The following CSMD1 variants were observed in gnomAD, a reference collection of about 807,000 sequenced individuals.
CSMD1 encodes CUB and sushi domain-containing protein 1.
Under a neutral mutation model 417.5 loss-of-function variants are expected in CSMD1, and 213 were observed. The ratio of observed to expected loss-of-function variants is 0.51; its 90% CI spans 0.46 to 0.57. The LOEUF is 0.57. CSMD1 is among the 20% of genes least tolerant of loss of function. The probability of loss-of-function intolerance (pLI) is 0.00; values close to 1 mark genes in which losing one functional copy is unlikely to be tolerated. For missense variants in CSMD1, 6,923 were observed against 4,529.7 expected (o/e 1.53, Z -15.17); for synonymous variants, 2,862 against 1,736.8 (o/e 1.65, Z -16.11).
chr8:3,283,819 T>C (rs1802927139), intron 26 of CSMD1, among the ~76,000 whole-genome samples: 1 of 152,248 alleles, frequency 6.6e-6, no homozygotes, highest in East Asian at 1.9e-4. Flanking sequence ...ATCATACTTC[T>C]GCACGACTAT....
At chr8:4,486,228 TAC>T (rs1465658249) in intron 2 of CSMD1, among the ~76,000 whole-genome samples, 201 of 10,966 alleles carry the variant, frequency 0.018, 6 homozygotes, top group Middle Eastern at 0.071. Context: ...TATATATACA[TAC>T]ATATATATAT....
At chr8:3,313,976 T>C (rs1024928072) in intron 23 of CSMD1, among the ~76,000 whole-genome samples, 33 of 152,132 alleles carry the variant, frequency 2.2e-4, no homozygotes, top group African/African-American at 5.8e-4. Flanking sequence ...TGTAGGGACA[T>C]GGATGAAGCT....
At chr8:3,954,774 G>A (rs763769275) in intron 5 of CSMD1, among the ~76,000 whole-genome samples, 1 of 151,634 alleles carries the variant, frequency 6.6e-6, no homozygotes, top group African/African-American at 2.4e-5. Context: ...GCGTAATGTG[G>A]CAGGGAGTTA....
chr8:4,453,534 C>T (rs943894121), intron 2 of CSMD1, among the ~76,000 whole-genome samples: 2 of 152,204 alleles, frequency 1.3e-5, no homozygotes, highest in African/African-American at 4.8e-5. Context: ...CTGCAGAGAA[C>T]ACAGCCGACA....
chr8:4,010,338 T>A (rs1816447493), intron 4 of CSMD1, among the ~76,000 whole-genome samples: 1 of 152,120 alleles, frequency 6.6e-6, no homozygotes, highest in Non-Finnish European at 1.5e-5. Context: ...AAACCCCTAC[T>A]TGAAATCCAC....
At chr8:3,662,077 A>G (rs1323849021) in intron 7 of CSMD1, among the ~76,000 whole-genome samples, 2 of 152,114 alleles carry the variant, frequency 1.3e-5, no homozygotes. Flanking sequence ...GTTGTGTAGA[A>G]ACAGAGAAGG....
intron 10 of CSMD1, among the ~76,000 whole-genome samples, chr8:3,534,721 GCAA>G (rs1477068936): frequency 2.6e-5 from 4 of 152,132 alleles, no homozygotes; most frequent in African/African-American, 9.7e-5. Flanking sequence ...GAGCCTTTAA[GCAA>G]CAACTGCATA....
At chr8:3,643,832 TA>T (rs1170888491) in intron 7 of CSMD1, among the ~76,000 whole-genome samples, 1 of 152,102 alleles carries the variant, frequency 6.6e-6, no homozygotes, top group Non-Finnish European at 1.5e-5. Context: ...TTAAGTTAAT[TA>T]AGCTACCTAT....
chr8:3,597,835 G>A (rs150460706), intron 8 of CSMD1, among the ~76,000 whole-genome samples: 8,687 of 152,178 alleles, frequency 0.057, 330 homozygotes, highest in Non-Finnish European at 0.074. Flanking sequence ...GGGGCCTGTC[G>A]GGGGGTTGGG....
At chr8:4,954,197 A>C (rs1449000379) in intron 1 of CSMD1, among the ~76,000 whole-genome samples, 1 of 152,228 alleles carries the variant, frequency 6.6e-6, no homozygotes, top group African/African-American at 2.4e-5. Context: ...AAAACACATT[A>C]TGTGTTCCCT....
At position 4,733,779 on chromosome 8, in the gene CSMD1, G is replaced by A. The variant is rs1052079081; in HGVS notation, c.86-96221C>T. ...ACAAAGAAACAAACTTAACAACAAC[G>A]ACAAAATCCTTCATGACTACTACTA... is the stretch of plus-strand genomic sequence containing the variant. On this transcript the variant is annotated intron_variant, in intron 1 of 69. Coordinates refer to ENST00000635120, the MANE Select transcript of CSMD1 (RefSeq NM_033225.6). Among the ~76,000 whole-genome samples, 12 of 152,164 alleles carry A rather than the reference G, an allele frequency of 7.9e-5. No homozygotes were observed. The South Asian group carries it at 8.3e-4, about 11-fold the overall frequency.
At chr8:4,368,393 A>G (rs908435700) in intron 3 of CSMD1, among the ~76,000 whole-genome samples, 1 of 151,726 alleles carries the variant, frequency 6.6e-6, no homozygotes, top group Non-Finnish European at 1.5e-5. Context: ...GTTTGCTGGT[A>G]TTTTCTACGT....
intron 7 of CSMD1, among the ~76,000 whole-genome samples, chr8:3,679,302 G>C (rs552024952): frequency 5.9e-5 from 9 of 152,226 alleles, no homozygotes; most frequent in South Asian, 4.1e-4. Context: ...CTCATGTGCA[G>C]AGACACACAT....
intron 7 of CSMD1, among the ~76,000 whole-genome samples, chr8:3,669,084 G>T (rs548412186): frequency 1.3e-5 from 2 of 152,160 alleles, no homozygotes; most frequent in Non-Finnish European, 2.9e-5. Context: ...CTAGAAATAT[G>T]ATTGTGGAAG....
chr8:4,735,097 G>T (rs573435184), intron 1 of CSMD1, among the ~76,000 whole-genome samples: 2 of 152,178 alleles, frequency 1.3e-5, no homozygotes, highest in Non-Finnish European at 2.9e-5. Flanking sequence ...GAAAGTTTCC[G>T]CAGGGAAGAG....
intron 8 of CSMD1, among the ~76,000 whole-genome samples, chr8:3,599,153 G>GTC (rs1169403140): frequency 1.2e-3 from 164 of 142,344 alleles, no homozygotes; most frequent in African/African-American, 4.3e-3. Context: ...GTGTGTGTCT[G>GTC]TGTGTGTGTC....
At chr8:4,003,392 C>G in intron 4 of CSMD1, among the ~76,000 whole-genome samples, 1 of 146,114 alleles carries the variant, frequency 6.8e-6, no homozygotes, top group Admixed American at 7.0e-5. Context: ...GACACTGTCT[C>G]AATAAACAAA....
At chr8:3,480,776 C>A (rs915710119) in intron 11 of CSMD1, among the ~76,000 whole-genome samples, 2 of 152,090 alleles carry the variant, frequency 1.3e-5, no homozygotes, top group African/African-American at 2.4e-5. Flanking sequence ...CTGACAACCA[C>A]AAATTCTATA....
chr8:3,244,928 C>G (rs1209352577), intron 26 of CSMD1, among the ~76,000 whole-genome samples: 1 of 152,194 alleles, frequency 6.6e-6, no homozygotes, highest in African/African-American at 2.4e-5. Flanking sequence ...GTAAAACTGA[C>G]TCCCTTCGGG....
Sources: allele counts gnomAD v4.1 joint callset (sites outside exome capture counted in the v4.1 genomes callset), GRCh38; gene constraint gnomAD v4.1.1; transcripts MANE v1.5; gene names NCBI Gene and HGNC (gene_info 2026-07-23, HGNC 2026-07-21).